NALF1: variants seen among roughly 807,000 people sequenced by gnomAD.
NALF1 encodes family with sequence similarity 155 member A.
In NALF1, 3 loss-of-function variants were observed where a neutral mutation model predicts 48.4. The observed-to-expected ratio is 0.06, with a 90% confidence interval of 0.03 to 0.16. The LOEUF is 0.16. Among genes scored for constraint, NALF1 ranks in the 10% least tolerant of loss-of-function variants. The pLI, the probability that NALF1 is intolerant of heterozygous loss-of-function variation, is 1.00. For missense variants in NALF1, 526 were observed against 571.5 expected (o/e 0.92, Z 0.81); for synonymous variants, 262 against 245.7 (o/e 1.07, Z -0.62).
At chr13:107,617,139 C>A (rs894822387) in intron 1 of NALF1, among the ~76,000 whole-genome samples, 1 of 152,138 alleles carries the variant, frequency 6.6e-6, no homozygotes, top group Non-Finnish European at 1.5e-5. Flanking sequence ...TATTTTACAT[C>A]TTAAATCTTG....
chr13:107,599,985 G>A (rs1376471777), intron 1 of NALF1, among the ~76,000 whole-genome samples: 1 of 152,018 alleles, frequency 6.6e-6, no homozygotes, highest in African/African-American at 2.4e-5. Context: ...ATTATTACTT[G>A]AATGATACCA....
intron 1 of NALF1, among the ~76,000 whole-genome samples, chr13:107,529,959 C>T (rs1232670318): frequency 6.6e-6 from 1 of 152,000 alleles, no homozygotes; most frequent in Admixed American, 6.6e-5. Context: ...GCCTAAACTG[C>T]TATTCTCAGC....
At chr13:107,676,605 TAATTAATTTAATTAATTAAATTA>T (rs1319755295) in intron 1 of NALF1, among the ~76,000 whole-genome samples, 16 of 41,442 alleles carry the variant, frequency 3.9e-4, no homozygotes, top group Non-Finnish European at 8.0e-4. Context: ...TAATTTAATT[TAATTAATTTAATTAATTAAATTA>T]AATTGTGTGT....
chr13:107,511,642 G>A (rs1316239649), intron 1 of NALF1, among the ~76,000 whole-genome samples: 1 of 152,004 alleles, frequency 6.6e-6, no homozygotes, highest in Non-Finnish European at 1.5e-5. Context: ...ACTACAAATG[G>A]AGAAACTGAG....
At chr13:107,581,856 T>C (rs994041919) in intron 1 of NALF1, among the ~76,000 whole-genome samples, 2 of 152,196 alleles carry the variant, frequency 1.3e-5, no homozygotes, top group African/African-American at 4.8e-5. Flanking sequence ...CCATTTTTGG[T>C]GACTGTTCTC....
chr13:107,442,481 A>G (rs1884577194), intron 1 of NALF1, among the ~76,000 whole-genome samples: 1 of 152,170 alleles, frequency 6.6e-6, no homozygotes, highest in South Asian at 2.1e-4. Flanking sequence ...AATTTTTCAC[A>G]TAATGAAAAT....
At chr13:107,197,387 G>A (rs1879413777) in intron 2 of NALF1, among the ~76,000 whole-genome samples, 1 of 152,162 alleles carries the variant, frequency 6.6e-6, no homozygotes, top group Admixed American at 6.5e-5. Context: ...AAAAGCAATG[G>A]ACCAAGCTAA....
chr13:107,625,197 C>T (rs1405012316), intron 1 of NALF1, among the ~76,000 whole-genome samples: 1 of 152,060 alleles, frequency 6.6e-6, no homozygotes. Flanking sequence ...CTACTTGCAG[C>T]TTTAGGTAGA....
intron 1 of NALF1, among the ~76,000 whole-genome samples, chr13:107,293,427 A>G (rs1328602576): frequency 1.3e-5 from 2 of 152,180 alleles, no homozygotes; most frequent in East Asian, 1.9e-4. Context: ...AGAAAATGCT[A>G]TGCTATTATA....
chr13:107,375,396 A>G (rs1883318959), intron 1 of NALF1, among the ~76,000 whole-genome samples: 1 of 152,214 alleles, frequency 6.6e-6, no homozygotes, highest in African/African-American at 2.4e-5. Context: ...ACTCTGGAAA[A>G]TACTTGGTCA....
Position 107,533,759 on chromosome 13 carries a change from G to T in NALF1, c.916-323004C>A, listed in dbSNP as rs1471697668. Among the ~76,000 whole-genome samples the T allele has an allele frequency of 2.6e-5, 4 of 152,102 alleles. No individual in the cohort carries two copies. The South Asian group carries it at 8.3e-4, about 32-fold the overall frequency. The stretch of plus-strand genomic sequence containing the variant: ...AGCAACACCCCCAAATCTGTCTTTT[G>T]TTGAGGGTCTGTGATGCCTAACATG... On this transcript the variant is annotated intron_variant, in intron 1 of 2. Coordinates refer to ENST00000375915, the MANE Select transcript of NALF1 (RefSeq NM_001080396.3).
rs2138762761 is a variant in NALF1 at position 107,170,799 on chromosome 13, G to A, written c.1088-13C>T. On this transcript the variant is annotated splice_polypyrimidine_tract_variant and intron_variant, in intron 2 of 2. Transcript: ENST00000375915. Reference sequence around the variant, plus strand: ...GTTTCATAAAGCCCTGTAGGAAGAAGGAAGTAGAGTGTCAGCAGGAAGGAA... The same window carrying A: ...GTTTCATAAAGCCCTGTAGGAAGAAAGAAGTAGAGTGTCAGCAGGAAGGAA... 6.2e-7 allele frequency: 1 copy of A among 1,611,524 alleles called. No individual in the cohort carries two copies. Among genetic ancestry groups the A allele is most frequent in the South Asian group, 1.1e-5 (1 of 91,024 alleles).
chr13:107,673,827 A>T (rs911045456), intron 1 of NALF1, among the ~76,000 whole-genome samples: 1 of 152,162 alleles, frequency 6.6e-6, no homozygotes, highest in African/African-American at 2.4e-5. Context: ...TTAAAAAAAT[A>T]ATAGTAATAA....
At chr13:107,832,495 A>C (rs1879768020) in intron 1 of NALF1, among the ~76,000 whole-genome samples, 1 of 152,102 alleles carries the variant, frequency 6.6e-6, no homozygotes, top group Non-Finnish European at 1.5e-5. Flanking sequence ...GTTGGATCCC[A>C]CAAGCACCTC....
intron 1 of NALF1, among the ~76,000 whole-genome samples, chr13:107,757,104 G>A (rs1456292049): frequency 2.0e-5 from 3 of 152,206 alleles, no homozygotes; most frequent in Non-Finnish European, 4.4e-5. Flanking sequence ...CTTCTGATGA[G>A]ATGCAAGAAA....
chr13:107,216,271 T>A (rs745681743), intron 1 of NALF1, among the ~76,000 whole-genome samples: 14 of 152,224 alleles, frequency 9.2e-5, no homozygotes, highest in Non-Finnish European at 1.8e-4. Flanking sequence ...ATAACGCATG[T>A]TGCTACAGTT....
chr13:107,266,701 C>A (rs777912163), intron 1 of NALF1, among the ~76,000 whole-genome samples: 60 of 152,150 alleles, frequency 3.9e-4, no homozygotes, highest in Non-Finnish European at 7.5e-4. Flanking sequence ...AAAGTCCCAG[C>A]ACCTCACAAT....
intron 2 of NALF1, among the ~76,000 whole-genome samples, chr13:107,186,391 CAG>C (rs1879172304): frequency 6.6e-6 from 1 of 152,086 alleles, no homozygotes; most frequent in South Asian, 2.1e-4. Flanking sequence ...ATTTTTGAGA[CAG>C]AGTCTCGCTC....
intron 1 of NALF1, among the ~76,000 whole-genome samples, chr13:107,801,433 G>A (rs946528605): frequency 1.2e-4 from 19 of 152,142 alleles, no homozygotes; most frequent in African/African-American, 4.3e-4. Context: ...AAAGGAGGCT[G>A]GCATAATTGT....
Sources: allele counts gnomAD v4.1 joint callset (sites outside exome capture counted in the v4.1 genomes callset), GRCh38; gene constraint gnomAD v4.1.1; transcripts MANE v1.5; gene names NCBI Gene and HGNC (gene_info 2026-07-23, HGNC 2026-07-21).